SLC5A1: variants seen among roughly 807,000 people sequenced by gnomAD.
SLC5A1 encodes the protein solute carrier family 5 member 1.
SLC5A1 carries 42 observed loss-of-function variants against 73.5 expected under a neutral mutation model. The ratio of observed to expected loss-of-function variants is 0.57; its 90% CI spans 0.45 to 0.74. The LOEUF (loss-of-function observed/expected upper bound fraction) is 0.74. Ranked by LOEUF, SLC5A1 falls within the 30% of genes least tolerant of loss-of-function variation. The pLI is 0.00. For synonymous variants in SLC5A1, 300 were observed against 317.4 expected (o/e 0.95, Z 0.58); for missense variants, 634 against 855.4 (o/e 0.74, Z 3.23).
At chr22:32,053,151 T>C (rs2093947253) in intron 2 of SLC5A1, among the ~76,000 whole-genome samples, 1 of 152,204 alleles carries the variant, frequency 6.6e-6, no homozygotes, top group Admixed American at 6.5e-5. Flanking sequence ...GTTTTCTCGG[T>C]CTGAGTCGAG....
At position 32,111,807 on chromosome 22, in the gene SLC5A1, T is replaced by C. The variant is rs2094057611; in HGVS notation, c.*1594T>C. On this transcript the variant is annotated 3_prime_UTR_variant, in exon 15 of 15. Coordinates refer to ENST00000266088, the MANE Select transcript of SLC5A1 (RefSeq NM_000343.4). ...GATTTGCATTTATGCCAATCTAAAC[T>C]ATCCGGTGTTTAGTTTGATTTTTTG... is the stretch of plus-strand genomic sequence containing the variant. 2.0e-5 allele frequency: 3 copies of C among 152,216 alleles called. No homozygotes were observed. Among genetic ancestry groups the C allele is most frequent in the Admixed American group, 2.0e-4 (3 of 15,286 alleles). The allele number at this position is 152,216 out of a possible 1,614,324, so 9.4% of individuals were successfully genotyped here.
chr22:32,099,381 G>A (rs201837125), intron 12 of SLC5A1, 30 bp downstream of exon 12: 81 of 1,596,032 alleles, frequency 5.1e-5, no homozygotes, highest in South Asian at 6.6e-5. Context: ...GTCCAGAAAA[G>A]TCATTCTGGC....
At chr22:32,052,210 C>G (rs1182236085) in intron 2 of SLC5A1, among the ~76,000 whole-genome samples, 1 of 152,046 alleles carries the variant, frequency 6.6e-6, no homozygotes, top group East Asian at 1.9e-4. Flanking sequence ...ATTTATGAGG[C>G]CAATTGGTGT....
At chr22:32,050,089 C>T in intron 2 of SLC5A1, 75 bp downstream of exon 2, 1 of 1,311,494 alleles carries the variant, frequency 7.6e-7, no homozygotes, top group African/African-American at 1.4e-5. Context: ...TTCTTCTTGG[C>T]TTTGGGTGGT....
At chr22:32,089,134 T>C (rs2094012875) in intron 10 of SLC5A1, among the ~76,000 whole-genome samples, 1 of 152,250 alleles carries the variant, frequency 6.6e-6, no homozygotes, top group Non-Finnish European at 1.5e-5. Context: ...CCTGAACGAA[T>C]GGCAGAGCTA....
chr22:32,045,257 C>T (rs1603098698), intron 1 of SLC5A1, among the ~76,000 whole-genome samples: 1 of 152,206 alleles, frequency 6.6e-6, no homozygotes, highest in Non-Finnish European at 1.5e-5. Context: ...TAACCAATCT[C>T]ATTTTAGCCC....
intron 11 of SLC5A1, among the ~76,000 whole-genome samples, chr22:32,094,067 CAA>C (rs2149494971): frequency 6.6e-6 from 1 of 152,144 alleles, no homozygotes; most frequent in South Asian, 2.1e-4. Context: ...TGGATTTTTT[CAA>C]ATGCTTTTTC....
chr22:32,067,151 C>T (rs1026845290), intron 3 of SLC5A1, 112 bp downstream of exon 3: 83 of 841,794 alleles, frequency 9.9e-5, no homozygotes, highest in Non-Finnish European at 2.4e-5. Context: ...TCAGGGTCAC[C>T]CCAGGGTGCA....
intron 10 of SLC5A1, among the ~76,000 whole-genome samples, chr22:32,090,773 T>C (rs987697591): frequency 6.6e-6 from 1 of 151,996 alleles, no homozygotes; most frequent in Admixed American, 6.6e-5. Context: ...GGTAATATGG[T>C]AGCTGAATGT....
chr22:32,050,253 A>G (rs1165349833), intron 2 of SLC5A1, among the ~76,000 whole-genome samples: 2 of 152,212 alleles, frequency 1.3e-5, no homozygotes, highest in African/African-American at 4.8e-5. Context: ...AGTTGGTTCA[A>G]AGCCTATCAT....
At position 32,072,223 on chromosome 22, in the gene SLC5A1, C is replaced by A. The variant is rs184500227; in HGVS notation, c.477+3623C>A. ...CCTCACCCTTCTCCCATCCTCCACC[C>A]TCAAGTACGCCCCAGTGTCTATTGT... On this transcript the variant is annotated intron_variant, in intron 5 of 14. Transcript: ENST00000266088. Among the ~76,000 whole-genome samples the A allele has an allele frequency of 5.1e-4, 77 of 152,314 alleles. 1 individual carries two copies. The highest frequency in any genetic ancestry group is 3.4e-3 in the Middle Eastern group (1 of 294).
At chr22:32,075,989 C>T (rs1006750109) in intron 5 of SLC5A1, among the ~76,000 whole-genome samples, 1 of 152,188 alleles carries the variant, frequency 6.6e-6, no homozygotes, top group Admixed American at 6.5e-5. Context: ...ATATTCCACA[C>T]AAACCAAGAT....
chr22:32,087,713 A>G (rs1469101557), intron 10 of SLC5A1, among the ~76,000 whole-genome samples: 1 of 152,178 alleles, frequency 6.6e-6, no homozygotes, highest in East Asian at 1.9e-4. Context: ...AAATCTGGCT[A>G]GGGGGTTAGG....
chr22:32,045,144 C>G (rs2093935479), intron 1 of SLC5A1, among the ~76,000 whole-genome samples: 1 of 152,194 alleles, frequency 6.6e-6, no homozygotes, highest in Non-Finnish European at 1.5e-5. Context: ...TCCTTCCACC[C>G]CACCCCAGCT....
At chr22:32,088,585 C>T (rs560883680) in intron 10 of SLC5A1, among the ~76,000 whole-genome samples, 1 of 152,198 alleles carries the variant, frequency 6.6e-6, no homozygotes, top group South Asian at 2.1e-4. Flanking sequence ...GTGATCCACT[C>T]GCCTCAGCCT....
chr22:32,070,285 C>G (rs1351102890), intron 5 of SLC5A1, among the ~76,000 whole-genome samples: 1 of 121,290 alleles, frequency 8.2e-6, no homozygotes, highest in Non-Finnish European at 1.7e-5. Flanking sequence ...CCCCTCCCTC[C>G]CTTCTTCTTC....
At chr22:32,048,835 C>G (rs2093940521) in intron 1 of SLC5A1, among the ~76,000 whole-genome samples, 1 of 152,074 alleles carries the variant, frequency 6.6e-6, no homozygotes. Context: ...CTTTGGGAGG[C>G]CGAAGCAGGC....
At chr22:32,052,359 T>G (rs1690841519) in intron 2 of SLC5A1, among the ~76,000 whole-genome samples, 1 of 152,184 alleles carries the variant, frequency 6.6e-6, no homozygotes, top group South Asian at 2.1e-4. Context: ...TCTGATTTTA[T>G]CGTTATGTTT....
At position 32,060,138 on chromosome 22, in the gene SLC5A1, TAC is replaced by T. The variant is rs61008287; in HGVS notation, c.208-6793_208-6792del. ...ATATATATACATACACACATATATA[TAC>T]ACATACACACACACACACACACACA... is the stretch of plus-strand genomic sequence containing the variant. On this transcript the variant is annotated intron_variant, in intron 2 of 14. Transcript: ENST00000266088. 5.9e-3 allele frequency among the ~76,000 whole-genome samples: 786 copies of T among 132,112 alleles called. 6 individuals are homozygous for T. The highest frequency in any genetic ancestry group is 0.023 in the African/African-American group (701 of 30,570). 86.7% of individuals were successfully genotyped at this position (132,112 alleles called of 152,430 possible).
Sources: allele counts gnomAD v4.1 joint callset (sites outside exome capture counted in the v4.1 genomes callset), GRCh38; gene constraint gnomAD v4.1.1; transcripts MANE v1.5; gene names NCBI Gene and HGNC (gene_info 2026-07-23, HGNC 2026-07-21).